ALPK2: variants seen among roughly 807,000 people sequenced by gnomAD.
The protein encoded by ALPK2 is alpha-protein kinase 2.
In ALPK2, 127 loss-of-function variants were observed where a neutral mutation model predicts 163.1. That is an observed-to-expected ratio of 0.78 (90% CI 0.67 to 0.90). ALPK2 has a LOEUF of 0.90. ALPK2 is among the 40% of genes least tolerant of loss of function. The pLI, the probability that ALPK2 is intolerant of heterozygous loss-of-function variation, is 0.00. For synonymous variants in ALPK2, 953 were observed against 959.1 expected, an observed-to-expected ratio of 0.99 and a Z score of 0.12; for missense variants, 2,360 against 2,589.6, an observed-to-expected ratio of 0.91 and a Z score of 1.92.
chr18:58,594,165 C>T (rs563216008), intron 3 of ALPK2, among the ~76,000 whole-genome samples: 24 of 152,180 alleles, frequency 1.6e-4, no homozygotes, highest in Admixed American at 2.6e-4. Flanking sequence ...GCATGGGGAG[C>T]GGTTTCCTGG....
intron 8 of ALPK2, among the ~76,000 whole-genome samples, chr18:58,520,262 T>C (rs554875702): frequency 6.6e-6 from 1 of 151,992 alleles, no homozygotes; most frequent in South Asian, 2.1e-4. Context: ...ACCCCATCTC[T>C]ACTAAAAATA....
At chr18:58,510,289 C>G (rs912255964) in intron 10 of ALPK2, among the ~76,000 whole-genome samples, 1 of 152,136 alleles carries the variant, frequency 6.6e-6, no homozygotes, top group Admixed American at 6.5e-5. Context: ...TTACTGTAGC[C>G]TTGTAGTATT....
intron 3 of ALPK2, among the ~76,000 whole-genome samples, chr18:58,601,613 G>GTCC (rs941990292): frequency 1.3e-5 from 2 of 152,166 alleles, no homozygotes; most frequent in Admixed American, 6.5e-5. Flanking sequence ...AACCAGTACT[G>GTCC]TCCTCCTGGG....
At chr18:58,551,275 G>A (rs536776914) in intron 4 of ALPK2, among the ~76,000 whole-genome samples, 22 of 152,194 alleles carry the variant, frequency 1.4e-4, no homozygotes, top group Admixed American at 9.2e-4. Context: ...TCAAGGTGTC[G>A]CCAGGGCTGC....
chr18:58,516,256 T>C (rs1023384298), intron 9 of ALPK2, among the ~76,000 whole-genome samples: 1 of 149,792 alleles, frequency 6.7e-6, no homozygotes, highest in Non-Finnish European at 1.5e-5. Flanking sequence ...GTGAAATATA[T>C]GGACCAAATA....
intron 3 of ALPK2, among the ~76,000 whole-genome samples, chr18:58,587,382 AACAT>A (rs2051992858): frequency 1.3e-5 from 2 of 152,250 alleles, no homozygotes; most frequent in Admixed American, 6.5e-5. Context: ...CATGCAAAGA[AACAT>A]AAAGTATTGC....
intron 3 of ALPK2, among the ~76,000 whole-genome samples, chr18:58,597,471 C>T (rs2052046733): frequency 6.6e-6 from 1 of 152,196 alleles, no homozygotes; most frequent in African/African-American, 2.4e-5. Flanking sequence ...TAATCATTCC[C>T]ATTTTACAGA....
intron 5 of ALPK2, among the ~76,000 whole-genome samples, chr18:58,534,137 T>A (rs2051630462): frequency 6.9e-6 from 1 of 144,112 alleles, no homozygotes. Flanking sequence ...TAGAATTAAC[T>A]GCAATTTCAG....
chr18:58,536,166 A>C lies in ALPK2; in HGVS notation c.4021T>G (p.Ser1341Ala), dbSNP rs1467053683. The change falls in exon 5 of 13, where the codon TCA becomes GCA. Residue 1341 changes from serine (S) to alanine (A), a missense_variant. Physicochemically the swap from Ser to Ala is moderately conservative, Grantham distance 99 (BLOSUM62 1). Transcript: ENST00000361673. ...RGFSQPRLLESSVDPVDEKEL... is the reference protein window; with the variant it reads ...RGFSQPRLLEASVDPVDEKEL... Reference sequence around the variant, plus strand: ...TTTTCATCTACAGGGTCCACGGATGACTCCAGGAGTCTGGGTTGGCTGAAA... The same window carrying C: ...TTTTCATCTACAGGGTCCACGGATGCCTCCAGGAGTCTGGGTTGGCTGAAA... 1 of 1,613,634 alleles carries C rather than the reference A, an allele frequency of 6.2e-7. No homozygotes were observed. Among genetic ancestry groups the C allele is most frequent in the African/African-American group, 1.3e-5 (1 of 74,818 alleles).
At chr18:58,614,137 G>A (rs895051860) in intron 1 of ALPK2, among the ~76,000 whole-genome samples, 2 of 152,150 alleles carry the variant, frequency 1.3e-5, no homozygotes, top group African/African-American at 4.8e-5. Flanking sequence ...TTACATGATG[G>A]GTGGAAAGAG....
In ALPK2 at chr18:58,568,789, A is replaced by G. The variant is rs148579256; in HGVS notation, c.1962+10025T>C. On this transcript the variant is annotated intron_variant, in intron 4 of 12. Coordinates refer to ENST00000361673, the MANE Select transcript of ALPK2 (RefSeq NM_052947.4). ...AGTAATTGGAGATGATTTGAAGTGA[A>G]CAGGAGGATGTATATAAGTTATTTG... Among the ~76,000 whole-genome samples the G allele has an allele frequency of 2.6e-3, 395 of 152,322 alleles. 5 individuals are homozygous for G. Among genetic ancestry groups the G allele is most frequent in the Admixed American group, 0.017 (266 of 15,300 alleles).
intron 1 of ALPK2, among the ~76,000 whole-genome samples, chr18:58,622,933 G>C (rs2034175706): frequency 6.6e-6 from 1 of 152,150 alleles, no homozygotes; most frequent in South Asian, 2.1e-4. Flanking sequence ...GACAATATAG[G>C]GGAGAACCTG....
chr18:58,509,610 T>G (rs2051479270), intron 10 of ALPK2, among the ~76,000 whole-genome samples: 1 of 151,738 alleles, frequency 6.6e-6, no homozygotes, highest in South Asian at 2.1e-4. Context: ...ATTGTGGTTT[T>G]GATTTGCATT....
intron 4 of ALPK2, among the ~76,000 whole-genome samples, chr18:58,549,287 C>T (rs1007640611): frequency 2.0e-5 from 3 of 152,210 alleles, no homozygotes; most frequent in African/African-American, 7.2e-5. Context: ...CAAGGTACAA[C>T]AGCAGGGTTG....
rs747437935 is a variant in ALPK2 at position 58,535,471 on chromosome 18, T to C, written c.4716A>G (p.Ile1572Met). ...GQIHDVPEND[I>M]VEPRKRQYVF... The stretch of plus-strand genomic sequence containing the variant: ...CATACTGACGCTTTCTGGGCTCAAC[T>C]ATGTCATTTTCAGGGACGTCATGAA... Residue 1572 changes from isoleucine (I) to methionine (M), a missense_variant, in exon 5 of 13, where the codon ATA (isoleucine) becomes ATG (methionine). By Grantham distance (10) the Ile-to-Met change is conservative. Coordinates refer to ENST00000361673, the MANE Select transcript of ALPK2 (RefSeq NM_052947.4). 9 of 1,614,202 alleles carry C rather than the reference T, an allele frequency of 5.6e-6. No homozygotes were observed. The highest frequency in any genetic ancestry group is 6.8e-6 in the Non-Finnish European group (8 of 1,180,014).
At chr18:58,613,863 C>T (rs1438465344) in intron 1 of ALPK2, among the ~76,000 whole-genome samples, 1 of 152,064 alleles carries the variant, frequency 6.6e-6, no homozygotes, top group African/African-American at 2.4e-5. Flanking sequence ...TCACAAATGC[C>T]TCTAGTGCTT....
intron 4 of ALPK2, among the ~76,000 whole-genome samples, chr18:58,547,439 CCCT>C (rs1281837615): frequency 6.6e-6 from 1 of 152,222 alleles, no homozygotes; most frequent in African/African-American, 2.4e-5. Flanking sequence ...TCCTCTGCCT[CCCT>C]GGTCTCTTTC....
At chr18:58,532,252 G>T (rs1429517146) in intron 5 of ALPK2, among the ~76,000 whole-genome samples, 1 of 152,206 alleles carries the variant, frequency 6.6e-6, no homozygotes, top group Non-Finnish European at 1.5e-5. Context: ...TTAGATCAGG[G>T]AGCTGTGATC....
intron 12 of ALPK2, among the ~76,000 whole-genome samples, chr18:58,488,494 T>C (rs2051351956): frequency 6.7e-6 from 1 of 148,704 alleles, no homozygotes; most frequent in South Asian, 2.4e-4. Flanking sequence ...CAAACACACC[T>C]GGAGAGCAGG....
Sources: allele counts gnomAD v4.1 joint callset (sites outside exome capture counted in the v4.1 genomes callset), GRCh38; gene constraint gnomAD v4.1.1; transcripts MANE v1.5; gene names NCBI Gene and HGNC (gene_info 2026-07-23, HGNC 2026-07-21).